The following NEK1 variants were observed in gnomAD, a reference collection of about 807,000 sequenced individuals.
NEK1 encodes the protein serine/threonine-protein kinase Nek1.
Under a neutral mutation model 182.1 loss-of-function variants are expected in NEK1, and 137 were observed. The observed-to-expected ratio is 0.75, with a 90% confidence interval of 0.65 to 0.87. The LOEUF is 0.87. Ranked by LOEUF, NEK1 falls within the 40% of genes least tolerant of loss-of-function variation. The pLI is 0.00. For missense variants in NEK1, 1,391 were observed against 1,494.4 expected (o/e 0.93, Z 1.14); for synonymous variants, 513 against 492.2 (o/e 1.04, Z -0.56).
At chr4:169,604,916 A>C (rs1771089635) in intron 2 of NEK1, among the ~76,000 whole-genome samples, 1 of 152,080 alleles carries the variant, frequency 6.6e-6, no homozygotes, top group Non-Finnish European at 1.5e-5. Flanking sequence ...TTCCAAATAT[A>C]TTTTCAAGCC....
chr4:169,427,713 C>A (rs1027947133), intron 29 of NEK1, among the ~76,000 whole-genome samples: 2 of 150,900 alleles, frequency 1.3e-5, no homozygotes, highest in Admixed American at 1.3e-4. Context: ...CCAGGTTGGT[C>A]TCAAACTCCT....
At chr4:169,564,499 G>A (rs1377468332) in intron 12 of NEK1, among the ~76,000 whole-genome samples, 1 of 152,030 alleles carries the variant, frequency 6.6e-6, no homozygotes, top group Non-Finnish European at 1.5e-5. Flanking sequence ...GACCATAACA[G>A]ATAGGCACTA....
At chr4:169,487,292 T>C (rs1001542976) in intron 23 of NEK1, among the ~76,000 whole-genome samples, 2 of 152,172 alleles carry the variant, frequency 1.3e-5, no homozygotes, top group Admixed American at 1.3e-4. Flanking sequence ...ATCCGTTAGC[T>C]ATTCTTCCTG....
At chr4:169,450,064 G>A (rs1477967068) in intron 27 of NEK1, among the ~76,000 whole-genome samples, 1 of 152,178 alleles carries the variant, frequency 6.6e-6, no homozygotes. Context: ...CGATCAAGTG[G>A]AAGAAAGGGT....
chr4:169,569,569 C>A (rs1442504007), intron 12 of NEK1, among the ~76,000 whole-genome samples: 1 of 151,716 alleles, frequency 6.6e-6, no homozygotes, highest in Non-Finnish European at 1.5e-5. Context: ...CTGCTGCCAT[C>A]TAGGCTCACT....
At chr4:169,547,242 G>C (rs1760638601) in intron 18 of NEK1, among the ~76,000 whole-genome samples, 1 of 152,132 alleles carries the variant, frequency 6.6e-6, no homozygotes, top group African/African-American at 2.4e-5. Flanking sequence ...AGCTTAGTTT[G>C]GCTGGATATG....
In NEK1 at chr4:169,590,708, A is replaced by G; in HGVS notation, c.396+18T>C. On this transcript the variant is annotated intron_variant, in intron 6 of 35. Coordinates refer to ENST00000507142, the MANE Select transcript of NEK1 (RefSeq NM_001199397.3). ...TGTCTTTATCCATTCAGAAGTTATCAGTGACAGAATAACATACCTGAGATT... is the reference window on the plus strand; with the variant it reads ...TGTCTTTATCCATTCAGAAGTTATCGGTGACAGAATAACATACCTGAGATT... 6.5e-7 allele frequency: 1 copy of G among 1,539,206 alleles called. No homozygotes were observed. The highest frequency in any genetic ancestry group is 8.9e-7 in the Non-Finnish European group (1 of 1,128,276).
At chr4:169,511,111 A>T (rs1754099700) in intron 19 of NEK1, among the ~76,000 whole-genome samples, 1 of 152,194 alleles carries the variant, frequency 6.6e-6, no homozygotes, top group African/African-American at 2.4e-5. Context: ...CTTGTTGTTA[A>T]GTCTAGGCAT....
Position 169,589,469 on chromosome 4 carries a change from CA to C in NEK1, c.441del (p.Phe147LeufsTer11). 2 of 1,511,244 alleles carry C rather than the reference CA, an allele frequency of 1.3e-6. No homozygotes were observed. The highest frequency in any genetic ancestry group is 2.1e-5 in the Admixed American group (1 of 48,020). 93.6% of individuals were successfully genotyped at this position (1,511,244 alleles called of 1,614,324 possible). On this transcript the variant is annotated frameshift_variant, in exon 7 of 36. Coordinates refer to ENST00000507142, the MANE Select transcript of NEK1 (RefSeq NM_001199397.3). LOFTEE classifies it high-confidence loss of function. ...TACCTATTAAGAACTCTAGCAATTCCAAAATCTCCAAGTTGTACTGTTCCAT... is the reference window on the plus strand; with the variant it reads ...TACCTATTAAGAACTCTAGCAATTCCAAATCTCCAAGTTGTACTGTTCCAT... ...TKDGTVQLGD[F>X]GIARVLNSTV... is the part of the protein sequence containing the mutation.
rs749714474 is a variant in NEK1 at position 169,589,501 on chromosome 4, G to A, written c.410C>T (p.Thr137Ile). 6.7e-7 allele frequency: 1 copy of A among 1,482,882 alleles called. No homozygotes were observed. The highest frequency in any genetic ancestry group is 2.5e-5 in the East Asian group (1 of 40,208). 91.9% of individuals were successfully genotyped at this position (1,482,882 alleles called of 1,614,324 possible). The change falls in exon 7 of 36, where the codon ACT becomes ATT. Residue 137 changes from threonine to isoleucine, a missense_variant. Physicochemically the swap from Thr to Ile is moderately conservative, Grantham distance 89. Transcript: ENST00000507142. ...TCCAAGTTGTACTGTTCCATCTTTA[G>A]TTAAAAATATGTTCTGTAAAAGACA... ...RDIKSQNIFL[T>I]KDGTVQLGDF... is the part of the protein sequence containing the mutation.
At chr4:169,495,098 G>A (rs1017651385) in intron 23 of NEK1, among the ~76,000 whole-genome samples, 28 of 151,982 alleles carry the variant, frequency 1.8e-4, no homozygotes, top group Non-Finnish European at 2.6e-4. Context: ...ATTTTAATTA[G>A]ATCCCATTTG....
intron 26 of NEK1, among the ~76,000 whole-genome samples, chr4:169,466,863 A>T (rs983711247): frequency 3.9e-4 from 4 of 10,202 alleles, no homozygotes; most frequent in Non-Finnish European, 7.7e-4. Flanking sequence ...TTATAGCATA[A>T]AAAAAAAATA....
At chr4:169,433,686 G>A (rs1409705803) in intron 28 of NEK1, 21 bp from the exon 29 acceptor site, 5 of 1,608,124 alleles carry the variant, frequency 3.1e-6, no homozygotes, top group African/African-American at 1.3e-5. Flanking sequence ...TAAACGTAAC[G>A]AGAGACATCT....
At chr4:169,405,662 C>G (rs1732463457) in intron 32 of NEK1, among the ~76,000 whole-genome samples, 1 of 151,866 alleles carries the variant, frequency 6.6e-6, no homozygotes, top group Admixed American at 6.6e-5. Flanking sequence ...GAGACAGGGT[C>G]TCACTCTGTT....
intron 29 of NEK1, among the ~76,000 whole-genome samples, chr4:169,426,608 C>T (rs1191486696): frequency 1.3e-5 from 2 of 152,112 alleles, no homozygotes; most frequent in Middle Eastern, 3.2e-3. Context: ...GGGAAAAGTC[C>T]CGAAGTCATT....
rs1738777886 is a variant in NEK1 at position 169,438,185 on chromosome 4, T to A, written c.2662A>T (p.Ile888Leu). 2.5e-6 allele frequency: 4 copies of A among 1,598,048 alleles called. No homozygotes were observed. The highest frequency in any genetic ancestry group is 8.5e-7 in the Non-Finnish European group (1 of 1,171,196). Residue 888 changes from isoleucine to leucine, a missense_variant, in exon 28 of 36, where the codon ATA (isoleucine) becomes TTA (leucine). By Grantham distance (5) the Ile-to-Leu change is conservative. Transcript: ENST00000507142. ...GAATCAACAATAGCTGATGGGTTTA[T>A]TTCATGTGAAATACATTGTACTTTT... is the stretch of plus-strand genomic sequence containing the variant. ...EKKVQCISHEINPSAIVDSPV... is the reference protein window; with the variant it reads ...EKKVQCISHELNPSAIVDSPV...
At chr4:169,483,033 C>T (rs1182480511) in intron 23 of NEK1, among the ~76,000 whole-genome samples, 1 of 152,166 alleles carries the variant, frequency 6.6e-6, no homozygotes, top group Non-Finnish European at 1.5e-5. Context: ...TCTCAGCTTT[C>T]AATATGCCTT....
chr4:169,523,612 G>A lies in NEK1; in HGVS notation c.1665+14197C>T, dbSNP rs537116611. The stretch of plus-strand genomic sequence containing the variant: ...TTGGACTTCTTGCCCTGAAAACTCT[G>A]AGATAATAAATTTGTGTTGTTGACG... On this transcript the variant is annotated intron_variant, in intron 19 of 35. Transcript: ENST00000507142. 9.1e-4 allele frequency among the ~76,000 whole-genome samples: 139 copies of A among 152,216 alleles called. 1 individual carries two copies. Among genetic ancestry groups the A allele is most frequent in the Non-Finnish European group, 1.7e-3 (119 of 68,038 alleles).
chr4:169,582,558 T>C (rs1766834716), intron 10 of NEK1, among the ~76,000 whole-genome samples: 1 of 152,206 alleles, frequency 6.6e-6, no homozygotes, highest in Non-Finnish European at 1.5e-5. Context: ...TTTTTCCTTT[T>C]CTTTTTCTTG....
Sources: allele counts gnomAD v4.1 joint callset (sites outside exome capture counted in the v4.1 genomes callset), GRCh38; gene constraint gnomAD v4.1.1; transcripts MANE v1.5; gene names NCBI Gene and HGNC (gene_info 2026-07-23, HGNC 2026-07-21).